AKAP6: variants seen among roughly 807,000 people sequenced by gnomAD.
AKAP6 encodes the protein A-kinase anchor protein 6.
A neutral mutation model predicts 188.5 loss-of-function variants in AKAP6; 58 were observed. That is an observed-to-expected ratio of 0.31 (90% CI 0.25 to 0.38). The LOEUF (loss-of-function observed/expected upper bound fraction) is 0.38, where lower values mean the gene tolerates loss of function less well. Ranked by LOEUF, AKAP6 falls within the 10% of genes least tolerant of loss-of-function variation. AKAP6 has a pLI of 1.00. For synonymous variants in AKAP6, 989 were observed against 998.6 expected, an observed-to-expected ratio of 0.99 and a Z score of 0.18; for missense variants, 2,710 against 2,740.0, an observed-to-expected ratio of 0.99 and a Z score of 0.24.
At chr14:32,702,807 A>C (rs74897673) in intron 9 of AKAP6, among the ~76,000 whole-genome samples, 103 of 152,258 alleles carry the variant, frequency 6.8e-4, no homozygotes, top group African/African-American at 2.2e-3. Context: ...CATCACTTCT[A>C]GACAGCCCTG....
rs1220656115 is a variant in AKAP6 at position 32,735,832 on chromosome 14, C to G, written c.3322C>G (p.Gln1108Glu). 5.6e-6 allele frequency: 9 copies of G among 1,612,114 alleles called. No homozygotes were observed. The highest frequency in any genetic ancestry group is 5.9e-6 in the Non-Finnish European group (7 of 1,179,376). Residue 1108 changes from glutamine (Q) to glutamate (E), a missense_variant, in exon 11 of 14, where the codon CAA becomes GAA. Gln to Glu is a conservative substitution (Grantham distance 29). Coordinates refer to ENST00000280979, the MANE Select transcript of AKAP6 (RefSeq NM_004274.5). ...TTTCATCTTCAATTCCTGTCTGAGACAAGAAAAGGAAGGAACAATGAATAC... is the reference window on the plus strand; with the variant it reads ...TTTCATCTTCAATTCCTGTCTGAGAGAAGAAAAGGAAGGAACAATGAATAC... ...ELFIFNSCLR[Q>E]EKEGTMNTEK...
At chr14:32,559,293 T>C (rs947462282) in intron 4 of AKAP6, among the ~76,000 whole-genome samples, 7 of 152,126 alleles carry the variant, frequency 4.6e-5, no homozygotes, top group African/African-American at 1.7e-4. Flanking sequence ...ATATGTGACA[T>C]GTCTTAAGGG....
chr14:32,638,718 T>A (rs954846579), intron 7 of AKAP6, among the ~76,000 whole-genome samples: 1 of 152,014 alleles, frequency 6.6e-6, no homozygotes, highest in Non-Finnish European at 1.5e-5. Flanking sequence ...ACCAAAGCAC[T>A]GTTCTTGGTT....
At chr14:32,549,551 A>G (rs1883360354) in intron 4 of AKAP6, among the ~76,000 whole-genome samples, 1 of 152,220 alleles carries the variant, frequency 6.6e-6, no homozygotes, top group Non-Finnish European at 1.5e-5. Flanking sequence ...TGGAAAGGCC[A>G]TGAAGGCCAC....
chr14:32,391,077 G>C (rs1888699408), intron 1 of AKAP6, among the ~76,000 whole-genome samples: 1 of 152,148 alleles, frequency 6.6e-6, no homozygotes, highest in African/African-American at 2.4e-5. Flanking sequence ...TGTTCCCTGA[G>C]ACCCAGATGT....
chr14:32,612,727 AT>A (rs537992991), intron 7 of AKAP6, among the ~76,000 whole-genome samples: 96 of 152,250 alleles, frequency 6.3e-4, no homozygotes, highest in Middle Eastern at 3.4e-3. Context: ...AGATTGTTAG[AT>A]TTTTTAAAAC....
rs1466410124 is a variant in AKAP6 at position 32,679,316 on chromosome 14, A to G, written c.2879+857A>G. Among the ~76,000 whole-genome samples the G allele has an allele frequency of 4.6e-5, 7 of 152,250 alleles. No homozygotes were observed. The East Asian group carries it at 1.3e-3, about 29-fold the overall frequency. On this transcript the variant is annotated intron_variant, in intron 8 of 13. Coordinates refer to ENST00000280979, the MANE Select transcript of AKAP6 (RefSeq NM_004274.5). ...TGAAATTGAATTATTTCAGAGTATTAATAATTTGATAATAGTTATGCTCAT... is the reference window on the plus strand; with the variant it reads ...TGAAATTGAATTATTTCAGAGTATTGATAATTTGATAATAGTTATGCTCAT...
Position 32,519,137 on chromosome 14 carries a change from C to A in AKAP6, c.325-16417C>A, listed in dbSNP as rs534191617. Among the ~76,000 whole-genome samples the A allele has an allele frequency of 2.0e-5, 3 of 152,160 alleles. No individual in the cohort carries two copies. The East Asian group carries it at 5.8e-4, about 30-fold the overall frequency. ...AGAAATAAAATCCTTTACAGACAAGCAAATGCTGAGAGATTTTGTCACCAC... is the reference window on the plus strand; with the variant it reads ...AGAAATAAAATCCTTTACAGACAAGAAAATGCTGAGAGATTTTGTCACCAC... On this transcript the variant is annotated intron_variant, in intron 2 of 13. Transcript: ENST00000280979.
chr14:32,390,131 T>A (rs4519249), intron 1 of AKAP6, among the ~76,000 whole-genome samples: 145,048 of 152,160 alleles, frequency 0.95, 69,175 homozygotes, highest in Admixed American at 0.97. Flanking sequence ...CTCTTGTTCA[T>A]TTATGTTGCT....
At chr14:32,757,828 G>A (rs1181574919) in intron 11 of AKAP6, among the ~76,000 whole-genome samples, 2 of 152,172 alleles carry the variant, frequency 1.3e-5, no homozygotes, top group Non-Finnish European at 2.9e-5. Flanking sequence ...TCCTGGGAGG[G>A]CTTGGGTGTT....
chr14:32,377,706 C>G (rs1410451230), intron 1 of AKAP6, among the ~76,000 whole-genome samples: 1 of 152,170 alleles, frequency 6.6e-6, no homozygotes, highest in East Asian at 1.9e-4. Context: ...TGCCCTACTT[C>G]TGGAGAACAC....
intron 2 of AKAP6, among the ~76,000 whole-genome samples, chr14:32,460,712 GAGAC>G (rs1891294838): frequency 6.6e-6 from 1 of 152,234 alleles, no homozygotes; most frequent in Non-Finnish European, 1.5e-5. Context: ...GAATGCCTGA[GAGAC>G]AGAACAGCTC....
chr14:32,588,902 CT>C (rs1885365515), intron 5 of AKAP6, among the ~76,000 whole-genome samples: 1 of 152,214 alleles, frequency 6.6e-6, no homozygotes, highest in African/African-American at 2.4e-5. Context: ...AACCAATATA[CT>C]TCTTACAGAG....
chr14:32,378,157 A>G (rs564177785), intron 1 of AKAP6, among the ~76,000 whole-genome samples: 2 of 150,024 alleles, frequency 1.3e-5, no homozygotes, highest in Non-Finnish European at 3.0e-5. Context: ...TTTGCATGGT[A>G]TGACAAAACC....
At chr14:32,587,337 C>G (rs185840455) in intron 5 of AKAP6, among the ~76,000 whole-genome samples, 1 of 151,996 alleles carries the variant, frequency 6.6e-6, no homozygotes, top group Non-Finnish European at 1.5e-5. Flanking sequence ...TAAAAGCATA[C>G]GGATATCTCA....
At chr14:32,827,653 A>T (rs922636562) in intron 13 of AKAP6, among the ~76,000 whole-genome samples, 1 of 152,206 alleles carries the variant, frequency 6.6e-6, no homozygotes, top group Non-Finnish European at 1.5e-5. Flanking sequence ...AGCAAATCAC[A>T]TCAAAGGAAA....
At chr14:32,562,775 GTAGA>G (rs1173458272) in intron 4 of AKAP6, among the ~76,000 whole-genome samples, 4 of 151,496 alleles carry the variant, frequency 2.6e-5, no homozygotes, top group Non-Finnish European at 3.0e-5. Context: ...AAATAGATAG[GTAGA>G]TAGATAAATA....
chr14:32,758,800 G>A (rs2139936999), intron 11 of AKAP6, among the ~76,000 whole-genome samples: 1 of 152,210 alleles, frequency 6.6e-6, no homozygotes, highest in East Asian at 1.9e-4. Context: ...ATATAGAAAT[G>A]CTTATTAATA....
At chr14:32,695,476 A>G (rs1438666629) in intron 8 of AKAP6, among the ~76,000 whole-genome samples, 1 of 152,242 alleles carries the variant, frequency 6.6e-6, no homozygotes, top group African/African-American at 2.4e-5. Flanking sequence ...TGGAGCTGAT[A>G]GTGATCCTTA....
Sources: gnomAD v4.1 joint callset for allele counts (sites outside exome capture counted in the v4.1 genomes callset) on GRCh38, gnomAD v4.1.1 for gene constraint, MANE v1.5 for transcripts, NCBI Gene and HGNC (gene_info 2026-07-23, HGNC 2026-07-21) for gene names.